Variants in MAP7D2 observed in about 807,000 individuals in gnomAD.
MAP7D2 encodes MAP7 domain-containing protein 2.
In MAP7D2, 33 loss-of-function variants were observed where a neutral mutation model predicts 63.5. The observed-to-expected ratio is 0.52, with a 90% CI of 0.39 to 0.70. The LOEUF is 0.70. Ranked by LOEUF, MAP7D2 falls within the 30% of genes least tolerant of loss-of-function variation. The pLI is 0.00. For missense variants in MAP7D2, 626 were observed against 604.0 expected (o/e 1.04, Z -0.38); for synonymous variants, 224 against 223.7 (o/e 1.00, Z -0.01).
At position 20,013,077 on chromosome X, in the gene MAP7D2, T is replaced by G; in HGVS notation, c.1862A>C (p.Lys621Thr). 8.3e-7 allele frequency: 1 copy of G among 1,210,695 alleles called. No homozygotes were observed. The highest frequency in any genetic ancestry group is 1.8e-5 in the South Asian group (1 of 56,772). Residue 621 changes from lysine (K) to threonine (T), a missense_variant, in exon 14 of 17, where the codon AAA becomes ACA. Coordinates refer to ENST00000379643, the MANE Select transcript of MAP7D2 (RefSeq NM_001168465.2). Reference protein sequence around the residue: ...QPAVCVEKKTKLVVPNKMEIN... With the variant: ...QPAVCVEKKTTLVVPNKMEIN... ...ACCCATTTTGTTGGGGACAACCAGT[T>G]TTGTCTTCTTTTCCACACACACAGC...
rs751451787 is a variant in MAP7D2 at position 20,102,129 on chromosome X, C to T, written c.130+14621G>A. 3.6e-5 allele frequency among the ~76,000 whole-genome samples: 4 copies of T among 111,968 alleles called. No homozygotes were observed. In the East Asian group the frequency reaches 1.1e-3, roughly 31 times the overall value. ...AACATCTTGATCTGGGTGTGGGTTA[C>T]ATGGTTGTATACATAATCAGACTGT... On this transcript the variant is annotated intron_variant, in intron 1 of 16. Coordinates refer to ENST00000379643, the MANE Select transcript of MAP7D2 (RefSeq NM_001168465.2).
chrX:20,009,643 GAC>G (rs1405676041), intron 16 of MAP7D2, among the ~76,000 whole-genome samples: 1 of 71,613 alleles, frequency 1.4e-5, no homozygotes, highest in African/African-American at 5.9e-5. Flanking sequence ...CAGCCTGGGT[GAC>G]AGAGTGAGAT....
At chrX:20,031,526 A>G (rs139313748) in intron 8 of MAP7D2, among the ~76,000 whole-genome samples, 3,913 of 109,950 alleles carry the variant, frequency 0.036, 111 homozygotes, top group African/African-American at 0.087. Flanking sequence ...AGTACAAAGG[A>G]GAGGGCGAGG....
chrX:20,102,609 A>T (rs1244468306), intron 1 of MAP7D2, among the ~76,000 whole-genome samples: 1 of 110,917 alleles, frequency 9.0e-6, no homozygotes, highest in Admixed American at 9.7e-5. Context: ...GACATGAAGG[A>T]TCCATGACAG....
At chrX:20,114,187 C>A (rs2148588141) in intron 1 of MAP7D2, among the ~76,000 whole-genome samples, 1 of 112,286 alleles carries the variant, frequency 8.9e-6, no homozygotes, top group South Asian at 3.7e-4. Flanking sequence ...CATGCGCCAC[C>A]AGGCCCGGCT....
chrX:20,087,052 T>C (rs1367279768), intron 1 of MAP7D2, among the ~76,000 whole-genome samples: 2 of 112,287 alleles, frequency 1.8e-5, no homozygotes, highest in Non-Finnish European at 3.8e-5. Context: ...CAGAGGTGCA[T>C]TGCAAACTCA....
In MAP7D2 at chrX:20,008,066, A is replaced by G. The variant is rs1435566282; in HGVS notation, c.*359T>C. The G allele has an allele frequency of 5.3e-5, 6 of 112,235 alleles. No individual in the cohort carries two copies. Among genetic ancestry groups the G allele is most frequent in the Non-Finnish European group, 1.1e-4 (6 of 53,311 alleles). The allele number at this position is 112,235 out of a possible 1,213,427, so 9.2% of individuals were successfully genotyped here. On this transcript the variant is annotated 3_prime_UTR_variant, in exon 17 of 17. Coordinates refer to ENST00000379643, the MANE Select transcript of MAP7D2 (RefSeq NM_001168465.2). ...AGACATCTAAATGTTTATGTGCTCCAACTTTGGGAATAAGAATGGTTATAA... is the reference window on the plus strand; with the variant it reads ...AGACATCTAAATGTTTATGTGCTCCGACTTTGGGAATAAGAATGGTTATAA...
At chrX:20,097,586 C>T (rs1271183343) in intron 1 of MAP7D2, among the ~76,000 whole-genome samples, 2 of 111,928 alleles carry the variant, frequency 1.8e-5, no homozygotes, top group Non-Finnish European at 1.9e-5. Flanking sequence ...CATTAGGCAA[C>T]GAATAAAAAG....
At chrX:20,023,851 C>T (rs1476844342) in intron 10 of MAP7D2, among the ~76,000 whole-genome samples, 1 of 111,311 alleles carries the variant, frequency 9.0e-6, no homozygotes, top group Admixed American at 9.5e-5. Flanking sequence ...AACAAACAAA[C>T]AAACAAACAA....
intron 1 of MAP7D2, among the ~76,000 whole-genome samples, chrX:20,115,525 A>G (rs995515589): frequency 9.0e-6 from 1 of 111,721 alleles, no homozygotes; most frequent in Non-Finnish European, 1.9e-5. Flanking sequence ...AAGGATAAAA[A>G]CAAAAGCACA....
chrX:20,072,795 T>C (rs533898106), intron 1 of MAP7D2, among the ~76,000 whole-genome samples: 7 of 111,606 alleles, frequency 6.3e-5, no homozygotes, highest in South Asian at 3.8e-4. Context: ...AAATATAATA[T>C]GGCGTTATAC....
At chrX:20,038,820 C>T (rs1313830751) in intron 8 of MAP7D2, among the ~76,000 whole-genome samples, 1 of 111,853 alleles carries the variant, frequency 8.9e-6, no homozygotes, top group Non-Finnish European at 1.9e-5. Flanking sequence ...GGGTGATTGA[C>T]CCAGACTATC....
rs1439949250 is a variant in MAP7D2 at position 20,074,894 on chromosome X, A to G, written c.131-10089T>C. Among the ~76,000 whole-genome samples, 11 of 110,790 alleles carry G rather than the reference A, an allele frequency of 9.9e-5. No individual in the cohort carries two copies. The Admixed American group carries it at 1.1e-3, about 11-fold the overall frequency. On this transcript the variant is annotated intron_variant, in intron 1 of 16. Coordinates refer to ENST00000379643, the MANE Select transcript of MAP7D2 (RefSeq NM_001168465.2). ...GGTGAAACCCCGTCACTACAAAAAA[A>G]TACAAAAAATTAGCTGGGTGTGGTG... is the stretch of plus-strand genomic sequence containing the variant.
intron 1 of MAP7D2, among the ~76,000 whole-genome samples, chrX:20,066,364 G>A (rs1412360297): frequency 8.9e-6 from 1 of 111,873 alleles, no homozygotes; most frequent in Non-Finnish European, 1.9e-5. Context: ...GAGGCCTGAA[G>A]GCCTGGCCCA....
chrX:20,041,939 G>C (rs1346420662), intron 8 of MAP7D2, among the ~76,000 whole-genome samples: 1 of 111,339 alleles, frequency 9.0e-6, no homozygotes, highest in Non-Finnish European at 1.9e-5. Context: ...TCTGAGGCGG[G>C]GGGATCACTT....
intron 15 of MAP7D2, among the ~76,000 whole-genome samples, chrX:20,011,572 C>T (rs1310107032): frequency 8.9e-6 from 1 of 112,375 alleles, no homozygotes; most frequent in Non-Finnish European, 1.9e-5. Flanking sequence ...TCTGCCAGGG[C>T]TCCTGTGAGT....
intron 3 of MAP7D2, among the ~76,000 whole-genome samples, chrX:20,058,039 C>T (rs755976064): frequency 8.9e-6 from 1 of 112,519 alleles, no homozygotes; most frequent in Non-Finnish European, 1.9e-5. Context: ...TCTCCAGGGA[C>T]CTGTAAGCAG....
At chrX:20,027,192 A>T (rs1317538059) in intron 8 of MAP7D2, among the ~76,000 whole-genome samples, 1 of 111,905 alleles carries the variant, frequency 8.9e-6, no homozygotes, top group Non-Finnish European at 1.9e-5. Context: ...AGCAACTCAG[A>T]ACTCCCAAGA....
chrX:20,098,696 C>G (rs1265237836), intron 1 of MAP7D2, among the ~76,000 whole-genome samples: 2 of 112,024 alleles, frequency 1.8e-5, no homozygotes, highest in Admixed American at 1.9e-4. Flanking sequence ...AAAGTGAACA[C>G]CCATCTGATT....
Sources: gnomAD v4.1 joint callset for allele counts (sites outside exome capture counted in the v4.1 genomes callset) on GRCh38, gnomAD v4.1.1 for gene constraint, MANE v1.5 for transcripts, NCBI Gene and HGNC (gene_info 2026-07-23, HGNC 2026-07-21) for gene names.